ATG4A: variants seen among roughly 807,000 people sequenced by gnomAD.
ATG4A encodes the protein autophagy related 4A cysteine peptidase, also known as cysteine protease ATG4A.
Under a neutral mutation model 38.4 loss-of-function variants are expected in ATG4A, and 22 were observed. The observed-to-expected ratio is 0.57, with a 90% CI of 0.41 to 0.82. ATG4A has a LOEUF of 0.82. Among genes scored for constraint, ATG4A ranks in the 40% least tolerant of loss-of-function variants. The pLI is 0.00. For missense variants in ATG4A, 220 were observed against 290.0 expected, an observed-to-expected ratio of 0.76 and a Z score of 1.75; for synonymous variants, 86 against 100.7, an observed-to-expected ratio of 0.85 and a Z score of 0.88.
intron 1 of ATG4A, among the ~76,000 whole-genome samples, chrX:108,118,528 C>T (rs764691258): frequency 9.0e-6 from 1 of 111,666 alleles, no homozygotes; most frequent in South Asian, 3.8e-4. Flanking sequence ...GGGCTGTCAC[C>T]AGAATCATGT....
intron 1 of ATG4A, among the ~76,000 whole-genome samples, chrX:108,107,088 A>AT (rs933448580): frequency 1.3e-4 from 14 of 109,857 alleles, no homozygotes; most frequent in African/African-American, 3.3e-4. Context: ...ATTTTCACCT[A>AT]TTTTTTTTTA....
intron 9 of ATG4A, among the ~76,000 whole-genome samples, chrX:108,139,503 G>C (rs765397937): frequency 1.7e-4 from 19 of 112,081 alleles, no homozygotes; most frequent in African/African-American, 5.8e-4. Flanking sequence ...TTGCACAGCT[G>C]CCTCTGCTCT....
chrX:108,147,185 A>G (rs1006744516), intron 9 of ATG4A, among the ~76,000 whole-genome samples: 11 of 111,365 alleles, frequency 9.9e-5, no homozygotes, highest in Non-Finnish European at 1.5e-4. Context: ...TTGCCTGGCA[A>G]CTGCCTCAGA....
chrX:108,123,362 A>G (rs771429885), intron 1 of ATG4A, among the ~76,000 whole-genome samples: 1 of 112,316 alleles, frequency 8.9e-6, no homozygotes, highest in South Asian at 3.8e-4. Context: ...TTTGTGAAAA[A>G]TTTAAAACAA....
Position 108,150,228 on chromosome X carries a change from C to G in ATG4A, c.891C>G (p.Asp297Glu), listed in dbSNP as rs779503990. ...VDTEENGTVN[D>E]QTFHCLQSPQ... ...CTGAAGAGAATGGAACGGTTAATGACCAGACTTTCCATTGCCTGCAGTCCC... is the reference window on the plus strand; with the variant it reads ...CTGAAGAGAATGGAACGGTTAATGAGCAGACTTTCCATTGCCTGCAGTCCC... The change falls in exon 10 of 13, where the codon GAC becomes GAG. Residue 297 changes from aspartate (D) to glutamate (E), a missense_variant. Transcript: ENST00000372232. 3.3e-6 allele frequency: 4 copies of G among 1,211,768 alleles called. No homozygotes were observed. In the Admixed American group the frequency reaches 8.7e-5, roughly 26 times the overall value.
At chrX:108,092,223 G>A (rs2031654564) in intron 1 of ATG4A, among the ~76,000 whole-genome samples, 1 of 111,821 alleles carries the variant, frequency 8.9e-6, no homozygotes, top group Non-Finnish European at 1.9e-5. Context: ...AGGGTGTGAT[G>A]CCGTGGGAGC....
intron 9 of ATG4A, among the ~76,000 whole-genome samples, chrX:108,138,926 C>A (rs1465081590): frequency 8.9e-6 from 1 of 111,987 alleles, no homozygotes; most frequent in African/African-American, 3.2e-5. Flanking sequence ...CCACAGACCA[C>A]ACTTTGCATA....
At chrX:108,101,155 A>G (rs1602610491) in intron 1 of ATG4A, among the ~76,000 whole-genome samples, 1 of 111,027 alleles carries the variant, frequency 9.0e-6, no homozygotes, top group South Asian at 3.8e-4. Context: ...CAAGGAATTT[A>G]TCCAGCTTAT....
chrX:108,105,300 T>C (rs977140643), intron 1 of ATG4A, among the ~76,000 whole-genome samples: 1 of 111,810 alleles, frequency 8.9e-6, no homozygotes, highest in Non-Finnish European at 1.9e-5. Flanking sequence ...GAAACCTTTT[T>C]GGAGGATACT....
At position 108,135,115 on chromosome X, in the gene ATG4A, C is replaced by T. The variant is rs550020490; in HGVS notation, c.467+704C>T. 3.3e-4 allele frequency among the ~76,000 whole-genome samples: 37 copies of T among 112,170 alleles called. No individual in the cohort carries two copies. In the South Asian group the frequency reaches 7.5e-3, roughly 23 times the overall value. ...AGGGTGAGTGATGTTAGTACTTACA[C>T]CTGCAGACCACCTTACCTGTTGTCA... is the stretch of plus-strand genomic sequence containing the variant. On this transcript the variant is annotated intron_variant, in intron 6 of 12. Transcript: ENST00000372232.
At chrX:108,105,019 T>A (rs188782077) in intron 1 of ATG4A, among the ~76,000 whole-genome samples, 118 of 111,240 alleles carry the variant, frequency 1.1e-3, no homozygotes, top group African/African-American at 3.7e-3. Flanking sequence ...TTGATATTTG[T>A]CATTTTTTGA....
intron 1 of ATG4A, among the ~76,000 whole-genome samples, chrX:108,097,083 T>C (rs925399418): frequency 8.9e-6 from 1 of 112,027 alleles, no homozygotes; most frequent in Non-Finnish European, 1.9e-5. Flanking sequence ...GCTTATCTTA[T>C]GCAATCCTCA....
chrX:108,125,799 A>G (rs769609565), intron 1 of ATG4A, among the ~76,000 whole-genome samples: 13 of 112,134 alleles, frequency 1.2e-4, no homozygotes, highest in African/African-American at 2.6e-4. Flanking sequence ...GCCCCATGGT[A>G]TAAAATGTTT....
At chrX:108,140,975 C>CACATATATATACGTATATATAT (rs1232395375) in intron 9 of ATG4A, among the ~76,000 whole-genome samples, 5 of 82,507 alleles carry the variant, frequency 6.1e-5, no homozygotes, top group South Asian at 5.1e-4. Flanking sequence ...CACATATATA[C>CACATATATATACGTATATATAT]ACATATATAT....
At chrX:108,140,731 GTA>G (rs1351444802) in intron 9 of ATG4A, among the ~76,000 whole-genome samples, 1 of 95,066 alleles carries the variant, frequency 1.1e-5, no homozygotes, top group Non-Finnish European at 2.1e-5. Flanking sequence ...ATAAATAAAT[GTA>G]TATATAAAAT....
At chrX:108,147,857 A>C (rs2033460818) in intron 9 of ATG4A, among the ~76,000 whole-genome samples, 1 of 108,695 alleles carries the variant, frequency 9.2e-6, no homozygotes, top group South Asian at 4.0e-4. Flanking sequence ...TATTAGAAGT[A>C]CAGTCCTTAG....
At chrX:108,101,980 A>T (rs747802176) in intron 1 of ATG4A, among the ~76,000 whole-genome samples, 42 of 111,333 alleles carry the variant, frequency 3.8e-4, no homozygotes, top group African/African-American at 1.2e-3. Context: ...GTGGATGGAC[A>T]TTAGGTTGTT....
At chrX:108,117,276 C>T (rs926221255) in intron 1 of ATG4A, among the ~76,000 whole-genome samples, 5 of 111,088 alleles carry the variant, frequency 4.5e-5, no homozygotes, top group Non-Finnish European at 7.5e-5. Flanking sequence ...ATTACATGGA[C>T]TGAGACTTTA....
chrX:108,146,427 C>T (rs979952520), intron 9 of ATG4A, among the ~76,000 whole-genome samples: 47 of 111,573 alleles, frequency 4.2e-4, no homozygotes, highest in African/African-American at 1.5e-3. Flanking sequence ...CAGACTATTG[C>T]TTTGCCTCTG....
Sources: allele counts gnomAD v4.1 joint callset (sites outside exome capture counted in the v4.1 genomes callset), GRCh38; gene constraint gnomAD v4.1.1; transcripts MANE v1.5; gene names NCBI Gene and HGNC (gene_info 2026-07-23, HGNC 2026-07-21).